The following ZZZ3 variants were observed in gnomAD, a reference collection of about 807,000 sequenced individuals.
ZZZ3 encodes the protein zinc finger ZZ-type containing 3, also known as ZZ-type zinc finger-containing protein 3.
ZZZ3 carries 22 observed loss-of-function variants against 95.2 expected under a neutral mutation model. The ratio of observed to expected loss-of-function variants is 0.23; its 90% confidence interval spans 0.17 to 0.33. The LOEUF (loss-of-function observed/expected upper bound fraction) is 0.33. Ranked by LOEUF, ZZZ3 falls within the 10% of genes least tolerant of loss-of-function variation. The pLI, the probability that ZZZ3 is intolerant of heterozygous loss-of-function variation, is 1.00. For synonymous variants in ZZZ3, 335 were observed against 358.9 expected (o/e 0.93, Z 0.75); for missense variants, 885 against 1,066.5 (o/e 0.83, Z 2.37).
At chr1:77,629,477 G>T (rs898170992) in intron 5 of ZZZ3, among the ~76,000 whole-genome samples, 20 of 152,050 alleles carry the variant, frequency 1.3e-4, no homozygotes, top group African/African-American at 4.8e-4. Flanking sequence ...AAATTAGACA[G>T]GTGTGATGGC....
At chr1:77,668,314 A>ACTACCTAAGGTAGTGATCTT (rs1671434070) in intron 1 of ZZZ3, among the ~76,000 whole-genome samples, 1 of 152,144 alleles carries the variant, frequency 6.6e-6, no homozygotes, top group Non-Finnish European at 1.5e-5. Context: ...ACTCCAAGAC[A>ACTACCTAAGGTAGTGATCTT]GCATAGAATG....
At chr1:77,653,048 A>G (rs1445507548) in intron 1 of ZZZ3, among the ~76,000 whole-genome samples, 1 of 152,144 alleles carries the variant, frequency 6.6e-6, no homozygotes, top group Non-Finnish European at 1.5e-5. Flanking sequence ...TTAGCCAGGT[A>G]TAGTTGCACA....
chr1:77,645,761 A>G (rs760700749), intron 1 of ZZZ3: 20 of 152,196 alleles, frequency 1.3e-4, no homozygotes, highest in Non-Finnish European at 2.9e-4. Context: ...ACCTGACGTC[A>G]GGAGTTCAAG....
chr1:77,673,552 G>A (rs551741821), intron 1 of ZZZ3, among the ~76,000 whole-genome samples: 2 of 152,082 alleles, frequency 1.3e-5, no homozygotes, highest in Non-Finnish European at 2.9e-5. Context: ...AGCTGAGATC[G>A]CGCCACTGCA....
chr1:77,622,311 G>C (rs188227761), intron 5 of ZZZ3, among the ~76,000 whole-genome samples: 1 of 68,260 alleles, frequency 1.5e-5, no homozygotes, highest in African/African-American at 5.8e-5. Flanking sequence ...TGTCTCAAAA[G>C]AAACAAAACA....
intron 5 of ZZZ3, among the ~76,000 whole-genome samples, chr1:77,627,419 G>C (rs976745768): frequency 6.6e-6 from 1 of 151,992 alleles, no homozygotes; most frequent in African/African-American, 2.4e-5. Flanking sequence ...GAGTTTTTCT[G>C]GCCCCTTGAA....
chr1:77,566,877 T>C (rs1660881034), intron 13 of ZZZ3, among the ~76,000 whole-genome samples: 1 of 152,234 alleles, frequency 6.6e-6, no homozygotes, highest in Non-Finnish European at 1.5e-5. Context: ...TTCTAGTTTC[T>C]TTGATCATCT....
At chr1:77,570,104 CTTTTT>C (rs907173455) in intron 12 of ZZZ3, among the ~76,000 whole-genome samples, 2 of 151,786 alleles carry the variant, frequency 1.3e-5, no homozygotes, top group African/African-American at 4.8e-5. Context: ...CTCAGTTTTT[CTTTTT>C]TTTCTTTTTT....
chr1:77,657,907 G>A (rs752975907), intron 1 of ZZZ3, among the ~76,000 whole-genome samples: 15 of 104,018 alleles, frequency 1.4e-4, no homozygotes, highest in East Asian at 2.7e-4. Context: ...GTCTGGGTGC[G>A]GTGGCTCATG....
intron 5 of ZZZ3, among the ~76,000 whole-genome samples, chr1:77,616,208 C>G (rs973711032): frequency 3.3e-5 from 5 of 152,068 alleles, no homozygotes; most frequent in Non-Finnish European, 1.5e-5. Context: ...GTGTTATTGG[C>G]TTCATAGTTT....
chr1:77,563,036 C>G lies in ZZZ3; in HGVS notation c.*2604G>C, dbSNP rs553112077. The G allele has an allele frequency of 6.6e-6, 1 of 152,156 alleles. No individual in the cohort carries two copies. The highest frequency in any genetic ancestry group is 1.5e-5 in the Non-Finnish European group (1 of 68,026). 9.4% of individuals were successfully genotyped at this position (152,156 alleles called of 1,614,324 possible). On this transcript the variant is annotated 3_prime_UTR_variant, in exon 15 of 15. Transcript: ENST00000370801. ...CATAGAGTTGTTAAGAATTAGTTAT[C>G]ATATGCTTGCTTGGCACATAGTAAA... is the stretch of plus-strand genomic sequence containing the variant.
At chr1:77,651,494 T>C (rs1032929180) in intron 1 of ZZZ3, among the ~76,000 whole-genome samples, 5 of 152,126 alleles carry the variant, frequency 3.3e-5, no homozygotes, top group African/African-American at 1.2e-4. Flanking sequence ...CAAGGACAAA[T>C]GTGTGATTCC....
chr1:77,640,056 C>A (rs61777118), intron 3 of ZZZ3, among the ~76,000 whole-genome samples: 2,753 of 152,074 alleles, frequency 0.018, 50 homozygotes, highest in South Asian at 0.066. Flanking sequence ...AAGAATCACA[C>A]AAATAATCAA....
chr1:77,658,736 T>C (rs1399883653), intron 1 of ZZZ3, among the ~76,000 whole-genome samples: 2 of 152,302 alleles, frequency 1.3e-5, no homozygotes, highest in Middle Eastern at 3.4e-3. Context: ...TGTTAGGACA[T>C]TTAAGCTGCT....
intron 1 of ZZZ3, among the ~76,000 whole-genome samples, chr1:77,652,473 G>T (rs191089448): frequency 9.3e-4 from 142 of 152,304 alleles, no homozygotes; most frequent in African/African-American, 3.2e-3. Flanking sequence ...AGAGTTATTT[G>T]CACCCTCATA....
At chr1:77,653,301 T>C (rs928449200) in intron 1 of ZZZ3, among the ~76,000 whole-genome samples, 4 of 152,024 alleles carry the variant, frequency 2.6e-5, no homozygotes, top group African/African-American at 7.3e-5. Context: ...AGAAAGTGAG[T>C]GCTATAGGTA....
At chr1:77,572,832 G>A (rs1485487581) in intron 12 of ZZZ3, among the ~76,000 whole-genome samples, 1 of 151,052 alleles carries the variant, frequency 6.6e-6, no homozygotes, top group South Asian at 2.1e-4. Flanking sequence ...TTTTTGTAGA[G>A]ATGGGGTCTC....
chr1:77,645,239 C>T (rs1021641467), intron 1 of ZZZ3: 1 of 152,112 alleles, frequency 6.6e-6, no homozygotes, highest in African/African-American at 2.4e-5. Flanking sequence ...AAAAAATTAA[C>T]TAATTAATCA....
intron 1 of ZZZ3, among the ~76,000 whole-genome samples, chr1:77,648,228 A>G (rs1350273208): frequency 1.3e-5 from 2 of 151,780 alleles, no homozygotes; most frequent in Non-Finnish European, 2.9e-5. Flanking sequence ...ACATGCCTGT[A>G]GTCCCAGGTT....
Sources: gnomAD v4.1 joint callset for allele counts (sites outside exome capture counted in the v4.1 genomes callset) on GRCh38, gnomAD v4.1.1 for gene constraint, MANE v1.5 for transcripts, NCBI Gene and HGNC (gene_info 2026-07-23, HGNC 2026-07-21) for gene names.